The following NAV3 variants were observed in gnomAD, a reference collection of about 807,000 sequenced individuals.
The protein encoded by NAV3 is pore membrane and/or filament interacting like protein 1.
A neutral mutation model predicts 244.7 loss-of-function variants in NAV3; 87 were observed. That is an observed-to-expected ratio of 0.36 (90% CI 0.30 to 0.42). NAV3 has a LOEUF of 0.42. NAV3 is among the 20% of genes least tolerant of loss of function. The pLI, the probability that NAV3 is intolerant of heterozygous loss-of-function variation, is 1.00. For missense variants in NAV3, 2,663 were observed against 2,893.3 expected, an observed-to-expected ratio of 0.92 and a Z score of 1.83; for synonymous variants, 1,126 against 1,042.2, an observed-to-expected ratio of 1.08 and a Z score of -1.55.
intron 2 of NAV3, among the ~76,000 whole-genome samples, chr12:77,624,585 A>G (rs1021743612): frequency 2.6e-5 from 4 of 152,072 alleles, no homozygotes; most frequent in African/African-American, 4.8e-5. Context: ...CAAGCAGTGG[A>G]CATACAGAAG....
At chr12:78,020,172 T>C (rs1053113893) in intron 8 of NAV3, among the ~76,000 whole-genome samples, 1 of 152,094 alleles carries the variant, frequency 6.6e-6, no homozygotes, top group East Asian at 1.9e-4. Context: ...TTAATGATTA[T>C]GTAGAGGAAA....
chr12:77,664,027 A>G (rs1873601037), intron 2 of NAV3, among the ~76,000 whole-genome samples: 1 of 152,244 alleles, frequency 6.6e-6, no homozygotes, highest in Admixed American at 6.5e-5. Flanking sequence ...ATGTCATGTA[A>G]AACATTTCTA....
intron 2 of NAV3, among the ~76,000 whole-genome samples, chr12:77,629,131 A>G (rs915046974): frequency 6.6e-6 from 1 of 152,192 alleles, no homozygotes; most frequent in African/African-American, 2.4e-5. Flanking sequence ...ATAACAATTT[A>G]TCCTGGCATG....
At chr12:77,696,558 C>T (rs1875310049) in intron 2 of NAV3, among the ~76,000 whole-genome samples, 1 of 152,108 alleles carries the variant, frequency 6.6e-6, no homozygotes, top group Non-Finnish European at 1.5e-5. Flanking sequence ...GGATGAGGTT[C>T]ATTTGGGCCT....
intron 12 of NAV3, among the ~76,000 whole-genome samples, chr12:78,068,410 T>G (rs1036505192): frequency 7.9e-5 from 12 of 151,154 alleles, no homozygotes; most frequent in African/African-American, 2.7e-4. Flanking sequence ...TAAATAGTTT[T>G]TTTAAAATTC....
chr12:77,715,886 T>C (rs927920554), intron 2 of NAV3, among the ~76,000 whole-genome samples: 1 of 152,008 alleles, frequency 6.6e-6, no homozygotes, highest in Admixed American at 6.6e-5. Flanking sequence ...GAGCATGGGG[T>C]CTTTATAAAA....
chr12:77,942,914 A>G (rs1890011653), intron 3 of NAV3, among the ~76,000 whole-genome samples: 2 of 152,202 alleles, frequency 1.3e-5, no homozygotes, highest in Non-Finnish European at 2.9e-5. Flanking sequence ...TCTTAAACCC[A>G]ACATGGTTGC....
At chr12:78,137,110 T>C (rs1956405610) in intron 18 of NAV3, 67 bp from the exon 19 acceptor site, 1 of 1,427,238 alleles carries the variant, frequency 7.0e-7, no homozygotes. Context: ...GTTCTTACTT[T>C]CTATCAACCT....
intron 3 of NAV3, among the ~76,000 whole-genome samples, chr12:77,953,248 T>A (rs1189198980): frequency 6.6e-6 from 1 of 152,152 alleles, no homozygotes; most frequent in African/African-American, 2.4e-5. Flanking sequence ...TCGGGAACTT[T>A]CCATATCTAT....
intron 2 of NAV3, among the ~76,000 whole-genome samples, chr12:77,694,493 C>T (rs1875199700): frequency 6.7e-6 from 1 of 149,636 alleles, no homozygotes; most frequent in South Asian, 2.1e-4. Flanking sequence ...AAAAAAAAGG[C>T]AGTCTCTTCT....
intron 1 of NAV3, among the ~76,000 whole-genome samples, chr12:77,890,889 A>G (rs1883856872): frequency 6.6e-6 from 1 of 152,222 alleles, no homozygotes. Context: ...AATGCCTATA[A>G]TGTTGCAGAA....
intron 1 of NAV3, among the ~76,000 whole-genome samples, chr12:77,894,671 T>G (rs1884362601): frequency 6.6e-6 from 1 of 152,146 alleles, no homozygotes; most frequent in Non-Finnish European, 1.5e-5. Context: ...AGATCCCTAT[T>G]TTGAATAAGA....
chr12:77,628,798 G>GGA (rs746661831), intron 2 of NAV3, among the ~76,000 whole-genome samples: 11 of 151,746 alleles, frequency 7.2e-5, no homozygotes, highest in Non-Finnish European at 1.5e-4. Flanking sequence ...GGCTGAGATG[G>GGA]GAGAATCCCC....
intron 15 of NAV3, 55 bp downstream of exon 15, chr12:78,120,000 C>T (rs1566163984): frequency 1.5e-6 from 2 of 1,354,188 alleles, no homozygotes; most frequent in Admixed American, 2.1e-5. Flanking sequence ...ATGTGTTAGA[C>T]ACATACATTA....
At chr12:78,136,440 C>T (rs1018951364) in intron 18 of NAV3, among the ~76,000 whole-genome samples, 2 of 152,038 alleles carry the variant, frequency 1.3e-5, no homozygotes, top group African/African-American at 2.4e-5. Context: ...TGGCAATAAG[C>T]AATAAGAAAA....
At chr12:78,150,629 C>CCACACACACA (rs765969323) in intron 22 of NAV3, among the ~76,000 whole-genome samples, 8 of 122,532 alleles carry the variant, frequency 6.5e-5, no homozygotes, top group Admixed American at 1.9e-4. Context: ...GCAAAAGCTT[C>CCACACACACA]CTCACACACA....
At chr12:77,745,988 T>TTAA (rs1267267552) in intron 2 of NAV3, among the ~76,000 whole-genome samples, 5 of 107,574 alleles carry the variant, frequency 4.6e-5, no homozygotes, top group South Asian at 2.9e-4. Flanking sequence ...AGACTTAAGG[T>TTAA]AAAAAAAAAA....
intron 2 of NAV3, among the ~76,000 whole-genome samples, chr12:77,783,774 A>G (rs962336270): frequency 6.6e-6 from 1 of 152,200 alleles, no homozygotes; most frequent in African/African-American, 2.4e-5. Flanking sequence ...GATACATACA[A>G]TTTAATATGC....
intron 1 of NAV3, among the ~76,000 whole-genome samples, chr12:77,928,954 G>A (rs933948593): frequency 9.2e-5 from 14 of 152,190 alleles, no homozygotes; most frequent in Non-Finnish European, 1.5e-5. Context: ...GTAGGTGCCA[G>A]AGAGTTCAGG....
Sources: gnomAD v4.1 joint callset for allele counts (sites outside exome capture counted in the v4.1 genomes callset) on GRCh38, gnomAD v4.1.1 for gene constraint, MANE v1.5 for transcripts, NCBI Gene and HGNC (gene_info 2026-07-23, HGNC 2026-07-21) for gene names.